RIMBP2: variants seen among roughly 807,000 people sequenced by gnomAD.
The protein encoded by RIMBP2 is RIMS-binding protein 2.
RIMBP2 carries 48 observed loss-of-function variants against 118.6 expected under a neutral mutation model. The ratio of observed to expected loss-of-function variants is 0.40; its 90% CI spans 0.32 to 0.51. RIMBP2 has a LOEUF of 0.51. Ranked by LOEUF, RIMBP2 falls within the 20% of genes least tolerant of loss-of-function variation. RIMBP2 has a pLI of 0.41. For missense variants in RIMBP2, 1,551 were observed against 1,768.3 expected (o/e 0.88, Z 2.20); for synonymous variants, 762 against 742.9 (o/e 1.03, Z -0.42).
At chr12:130,506,037 TA>T (rs1194200454) in intron 4 of RIMBP2, among the ~76,000 whole-genome samples, 3 of 122,370 alleles carry the variant, frequency 2.5e-5, no homozygotes, top group Non-Finnish European at 5.5e-5. Context: ...TGGAGATGAT[TA>T]TTTTTTTATT....
intron 2 of RIMBP2, among the ~76,000 whole-genome samples, chr12:130,558,609 A>G (rs2139844966): frequency 6.6e-6 from 1 of 152,292 alleles, no homozygotes; most frequent in East Asian, 1.9e-4. Context: ...CCCCAGAGAC[A>G]AAGGGAAGAG....
Position 130,420,030 on chromosome 12 carries a change from A to G in RIMBP2, c.3238+2423T>C, listed in dbSNP as rs1409984217. Among the ~76,000 whole-genome samples, 3 of 152,252 alleles carry G rather than the reference A, an allele frequency of 2.0e-5. No homozygotes were observed. Among genetic ancestry groups the G allele is most frequent in the African/African-American group, 7.2e-5 (3 of 41,478 alleles). Reference sequence around the variant, plus strand: ...GGTTTACAGACTTAATTTCCTCTGAAAAAGATAAGTAATCCTTTGAAATAT... The same window carrying G: ...GGTTTACAGACTTAATTTCCTCTGAGAAAGATAAGTAATCCTTTGAAATAT... On this transcript the variant is annotated intron_variant, in intron 17 of 22. Transcript: ENST00000690449. This position sits in a 1 kb window ranked among gnomAD's most constrained non-coding sequence, Gnocchi z 4.3.
chr12:130,688,156 C>T lies in RIMBP2; in HGVS notation c.-352+28066G>A, dbSNP rs2065145523. The stretch of plus-strand genomic sequence containing the variant: ...CCATTCCAAGCATGGCCCCACAGCT[C>T]CCGGCCCAGCCTGCACTGTTCATGC... On this transcript the variant is annotated intron_variant, in intron 1 of 22. Transcript: ENST00000690449. The surrounding 1 kb of genome is among the most constrained non-coding windows in gnomAD (Gnocchi z 4.7). 6.6e-6 allele frequency among the ~76,000 whole-genome samples: 1 copy of T among 152,186 alleles called. No individual in the cohort carries two copies. The highest frequency in any genetic ancestry group is 6.5e-5 in the Admixed American group (1 of 15,280).
chr12:130,459,044 C>CA lies in RIMBP2; in HGVS notation c.154-2345dup, dbSNP rs760377513. On this transcript the variant is annotated intron_variant, in intron 6 of 22. Coordinates refer to ENST00000690449, the MANE Select transcript of RIMBP2 (RefSeq NM_001393629.1). ...GGGCAACAAGAGTGACACTCTGTCT[C>CA]AAAAAAAAAAAAAAACAAAAAAAAA... Among the ~76,000 whole-genome samples, 102 of 24,126 alleles carry CA rather than the reference C, an allele frequency of 4.2e-3. 1 individual carries two copies. Among genetic ancestry groups the CA allele is most frequent in the African/African-American group, 0.011 (96 of 8,556 alleles). The allele number at this position is 24,126 out of a possible 152,430, so 15.8% of individuals were successfully genotyped here. A position where few individuals can be genotyped will look rare whatever the true frequency, so the allele number is the denominator to read the frequency against.
chr12:130,456,578 C>A lies in RIMBP2; in HGVS notation c.276G>T (p.Ala92=), dbSNP rs749943783. 1 of 1,613,376 alleles carries A rather than the reference C, an allele frequency of 6.2e-7. No homozygotes were observed. The highest frequency in any genetic ancestry group is 8.5e-7 in the Non-Finnish European group (1 of 1,179,620). ...AGKIDLLGGS[A]VAPLDISTAP... is the part of the protein sequence containing the mutation. ...CCGTGGAGATGTCCAGGGGGGCCAC[C>A]GCGCTGCCACCCAGCAGGTCAATCT... Residue 92 remains alanine, a synonymous_variant, in exon 7 of 23, where the codon GCG becomes GCT. Transcript: ENST00000690449.
At chr12:130,493,292 T>C (rs976685179) in intron 4 of RIMBP2, among the ~76,000 whole-genome samples, 3 of 152,148 alleles carry the variant, frequency 2.0e-5, no homozygotes, top group Non-Finnish European at 4.4e-5. Flanking sequence ...GCCTTCTTTT[T>C]GTTTTTTGTT....
chr12:130,402,390 A>T (rs1199528967), intron 21 of RIMBP2, among the ~76,000 whole-genome samples: 2 of 152,144 alleles, frequency 1.3e-5, no homozygotes, highest in African/African-American at 4.8e-5. Context: ...GGCAGTCAGA[A>T]CGCTGGATAA....
At chr12:130,699,658 A>G (rs984651733) in intron 1 of RIMBP2, among the ~76,000 whole-genome samples, 6 of 152,122 alleles carry the variant, frequency 3.9e-5, no homozygotes, top group East Asian at 1.9e-4. Flanking sequence ...CAGCACACCA[A>G]CACGACACAT....
chr12:130,677,640 CA>C (rs201305479), intron 1 of RIMBP2, among the ~76,000 whole-genome samples: 1,732 of 151,694 alleles, frequency 0.011, 18 homozygotes, highest in Admixed American at 0.041. Context: ...AAAAAACAAA[CA>C]AAAAAAAGAT....
At position 130,703,352 on chromosome 12, in the gene RIMBP2, TAAG is replaced by T. The variant is rs1401704305; in HGVS notation, c.-352+12867_-352+12869del. Among the ~76,000 whole-genome samples, 1 of 152,174 alleles carries T rather than the reference TAAG, an allele frequency of 6.6e-6. No homozygotes were observed. Among genetic ancestry groups the T allele is most frequent in the Non-Finnish European group, 1.5e-5 (1 of 68,034 alleles). On this transcript the variant is annotated intron_variant, in intron 1 of 22. Transcript: ENST00000690449. The surrounding 1 kb of genome is among the most constrained non-coding windows in gnomAD (Gnocchi z 5.7). ...TGCCCAAGAATCCCTAATTCACTAA[TAAG>T]AAAATCACCATCTAACATCAGTGTT... is the stretch of plus-strand genomic sequence containing the variant.
chr12:130,441,750 G>T lies in RIMBP2; in HGVS notation c.1504+98C>A, dbSNP rs183589240. On this transcript the variant is annotated intron_variant, in intron 11 of 22. Transcript: ENST00000690449. ...TCCAGGGTCATGTTGTCAGGATGGG[G>T]ATTCCTGCTTCTGCCTGCCCCACCT... 3 of 1,058,990 alleles carry T rather than the reference G, an allele frequency of 2.8e-6. No homozygotes were observed. The Admixed American group carries it at 7.2e-5, about 26-fold the overall frequency. 65.6% of individuals were successfully genotyped at this position (1,058,990 alleles called of 1,614,324 possible).
At chr12:130,476,589 G>T (rs1267794688) in intron 5 of RIMBP2, among the ~76,000 whole-genome samples, 1 of 152,186 alleles carries the variant, frequency 6.6e-6, no homozygotes, top group East Asian at 1.9e-4. Context: ...TGGTTCCCAA[G>T]GGGGCCTGTG....
Position 130,442,462 on chromosome 12 carries a change from T to C in RIMBP2, c.890A>G (p.Asn297Ser). The change falls in exon 11 of 23, where the codon AAC becomes AGC. Residue 297 changes from asparagine (N) to serine (S), a missense_variant. Coordinates refer to ENST00000690449, the MANE Select transcript of RIMBP2 (RefSeq NM_001393629.1). The surrounding 1 kb of genome is among the most constrained non-coding windows in gnomAD (Gnocchi z 6.9). ...PTHIDAGITD[N>S]SAGTLDVNID... The stretch of plus-strand genomic sequence containing the variant: ...GTTCACGTCCAGGGTCCCGGCACTG[T>C]TGTCGGTGATGCCCGCATCTATGTG... 1 of 1,614,172 alleles carries C rather than the reference T, an allele frequency of 6.2e-7. No homozygotes were observed. Among genetic ancestry groups the C allele is most frequent in the Non-Finnish European group, 8.5e-7 (1 of 1,180,032 alleles).
chr12:130,606,894 C>G (rs147574309), intron 2 of RIMBP2, among the ~76,000 whole-genome samples: 18 of 152,146 alleles, frequency 1.2e-4, no homozygotes, highest in African/African-American at 4.1e-4. Flanking sequence ...TGCAGTAGCG[C>G]GATCTCAGCT....
intron 1 of RIMBP2, among the ~76,000 whole-genome samples, chr12:130,646,105 C>CA (rs2062889695): frequency 1.5e-5 from 2 of 135,446 alleles, no homozygotes; most frequent in Non-Finnish European, 3.3e-5. Flanking sequence ...CCACCTCCCT[C>CA]TCCACCTCCC....
At chr12:130,681,000 A>G (rs1287379045) in intron 1 of RIMBP2, among the ~76,000 whole-genome samples, 1 of 152,252 alleles carries the variant, frequency 6.6e-6, no homozygotes, top group Non-Finnish European at 1.5e-5. Context: ...TCTACAGGGC[A>G]TTCTCTGTGC....
chr12:130,543,199 C>T lies in RIMBP2; in HGVS notation c.-216-25282G>A, dbSNP rs141483764. Reference sequence around the variant, plus strand: ...TACTTGAATGGCATTTCCTCACACCCTTGTCAACATCAGCATTAGCATTCT... The same window carrying T: ...TACTTGAATGGCATTTCCTCACACCTTTGTCAACATCAGCATTAGCATTCT... On this transcript the variant is annotated intron_variant, in intron 2 of 22. Transcript: ENST00000690449. Among the ~76,000 whole-genome samples, 621 of 152,296 alleles carry T rather than the reference C, an allele frequency of 4.1e-3. 6 individuals are homozygous for T. Among genetic ancestry groups the T allele is most frequent in the African/African-American group, 0.014 (562 of 41,560 alleles).
intron 4 of RIMBP2, among the ~76,000 whole-genome samples, chr12:130,499,722 C>A (rs1193021648): frequency 6.6e-6 from 1 of 152,168 alleles, no homozygotes; most frequent in African/African-American, 2.4e-5. Flanking sequence ...ACAGTGAGGT[C>A]TCCCCAACCA....
At chr12:130,647,732 C>G (rs908967027) in intron 1 of RIMBP2, among the ~76,000 whole-genome samples, 32 of 145,688 alleles carry the variant, frequency 2.2e-4, no homozygotes, top group African/African-American at 7.9e-4. Context: ...TTTGTAAGCC[C>G]CTGCATCCAG....
Sources: allele counts gnomAD v4.1 joint callset (sites outside exome capture counted in the v4.1 genomes callset), GRCh38; gene constraint gnomAD v4.1.1; non-coding constraint Gnocchi (gnomAD v3.1); transcripts MANE v1.5; gene names NCBI Gene and HGNC (gene_info 2026-07-23, HGNC 2026-07-21).